The following DNAH2 variants were observed in gnomAD, a reference collection of about 807,000 sequenced individuals.
DNAH2 encodes dynein axonemal heavy chain 2.
DNAH2 carries 323 observed loss-of-function variants against 523.5 expected under a neutral mutation model. The observed-to-expected ratio is 0.62, with a 90% CI of 0.56 to 0.68. The LOEUF is 0.68. Among genes scored for constraint, DNAH2 ranks in the 30% least tolerant of loss-of-function variants. The pLI, the probability that DNAH2 is intolerant of heterozygous loss-of-function variation, is 0.00. For missense variants in DNAH2, 4,907 were observed against 5,701.5 expected, an observed-to-expected ratio of 0.86 and a Z score of 4.49; for synonymous variants, 2,093 against 2,177.4, an observed-to-expected ratio of 0.96 and a Z score of 1.08.
rs745495816 is a variant in DNAH2 at position 7,763,880 on chromosome 17, A to G, written c.3028A>G (p.Ile1010Val). The G allele has an allele frequency of 8.7e-6, 14 of 1,614,074 alleles. No homozygotes were observed. Among genetic ancestry groups the G allele is most frequent in the Non-Finnish European group, 6.8e-6 (8 of 1,180,040 alleles). ...GCAGAAGGAGGAGACAGTCACCAAC[A>G]TCCAGTTTGTGCTGCTGGACTGTTC... is the stretch of plus-strand genomic sequence containing the variant. ...NVQKEETVTN[I>V]QFVLLDCSHL... The change falls in exon 19 of 86, where the codon ATC becomes GTC. Residue 1010 changes from isoleucine to valine, a missense_variant. Ile to Val is a conservative substitution (Grantham distance 29, BLOSUM62 3). Transcript: ENST00000572933.
intron 65 of DNAH2, 44 bp downstream of exon 65, chr17:7,817,459 G>A: frequency 6.2e-7 from 1 of 1,613,558 alleles, no homozygotes; most frequent in Non-Finnish European, 8.5e-7. Flanking sequence ...CGAGACCAGG[G>A]CTGGGGGCAG....
intron 12 of DNAH2, among the ~76,000 whole-genome samples, chr17:7,749,563 C>T (rs2075628148): frequency 6.6e-6 from 1 of 152,034 alleles, no homozygotes. Context: ...ATCATTATAA[C>T]ACAACTTTTT....
In DNAH2 at chr17:7,763,981, T is replaced by C. The variant is rs771655948; in HGVS notation, c.3129T>C (p.Ala1043=). ...NKFATLLREM[A]AGRLLELHTY... ...TCGCGACTCTGCTCAGGGAGATGGC[T>C]GCTGGGCGCCTCCTGGAGCTGCACA... The change falls in exon 19 of 86, where the codon GCT becomes GCC. Residue 1043 remains alanine (A), a synonymous_variant. Coordinates refer to ENST00000572933, the MANE Select transcript of DNAH2 (RefSeq NM_020877.5). 1.9e-6 allele frequency: 3 copies of C among 1,614,232 alleles called. No homozygotes were observed. Among genetic ancestry groups the C allele is most frequent in the East Asian group, 4.5e-5 (2 of 44,884 alleles).
At position 7,807,009 on chromosome 17, in the gene DNAH2, C is replaced by A; in HGVS notation, c.9443-141C>A. Reference sequence around the variant, plus strand: ...GACAGAGTCAAGTCAGAGGGAGGAACTAGGGGCCAGGTCAGATAATTTGGC... The same window carrying A: ...GACAGAGTCAAGTCAGAGGGAGGAAATAGGGGCCAGGTCAGATAATTTGGC... On this transcript the variant is annotated intron_variant, in intron 61 of 85. Transcript: ENST00000572933. This position sits in a 1 kb window ranked among gnomAD's most constrained non-coding sequence, Gnocchi z 5.6. 1 of 971,970 alleles carries A rather than the reference C, an allele frequency of 1.0e-6. No individual in the cohort carries two copies. The highest frequency in any genetic ancestry group is 1.5e-6 in the Non-Finnish European group (1 of 652,970). 60.2% of individuals were successfully genotyped at this position (971,970 alleles called of 1,614,324 possible).
chr17:7,793,042 T>G lies in DNAH2; in HGVS notation c.7406T>G (p.Val2469Gly), dbSNP rs765592307. The G allele has an allele frequency of 6.8e-6, 11 of 1,614,138 alleles. No individual in the cohort carries two copies. In the East Asian group the frequency reaches 2.5e-4, roughly 36 times the overall value. Residue 2469 changes from valine (V) to glycine (G), a missense_variant, in exon 48 of 86, where the codon GTC (valine) becomes GGC (glycine). By Grantham distance (109) the Val-to-Gly change is moderately radical. Coordinates refer to ENST00000572933, the MANE Select transcript of DNAH2 (RefSeq NM_020877.5). ...AGGGTTGAGAAGCGAACCAAGGGTG[T>G]CTACGTGCCATTCGGGGGCAAAAGC... ...ESRVEKRTKG[V>G]YVPFGGKSMI...
Position 7,780,584 on chromosome 17 carries a change from A to G in DNAH2, c.5851-46A>G. The G allele has an allele frequency of 6.2e-7, 1 of 1,606,660 alleles. No homozygotes were observed. Among genetic ancestry groups the G allele is most frequent in the Admixed American group, 1.7e-5 (1 of 59,896 alleles). On this transcript the variant is annotated intron_variant, in intron 37 of 85. Transcript: ENST00000572933. The surrounding 1 kb of genome is among the most constrained non-coding windows in gnomAD (Gnocchi z 4.4). ...GACTGTCCTGAGATGAAGCAGAGGG[A>G]TTTGTGGGGAGATGGACTGTTTCCT...
In DNAH2 at chr17:7,737,252, C is replaced by A; in HGVS notation, c.1164C>A (p.Phe388Leu). ...YNTRERLTSL[F>L]RKVCDCQYHF... ...CTCGGGAGAGACTGACCTCGCTCTT[C>A]CGAAAGGTGTGCATATGCTGAGGGT... The change falls in exon 8 of 86, where the codon TTC becomes TTA. Residue 388 changes from phenylalanine to leucine, a missense_variant. Coordinates refer to ENST00000572933, the MANE Select transcript of DNAH2 (RefSeq NM_020877.5). 6.2e-7 allele frequency: 1 copy of A among 1,613,880 alleles called. No homozygotes were observed.
chr17:7,748,367 C>G (rs1171280770), intron 12 of DNAH2, among the ~76,000 whole-genome samples: 1 of 152,212 alleles, frequency 6.6e-6, no homozygotes, highest in African/African-American at 2.4e-5. Context: ...GCCTTTTCCC[C>G]CCGGGTCAGC....
Position 7,743,155 on chromosome 17 carries a change from C to T in DNAH2, c.1904+13C>T. On this transcript the variant is annotated intron_variant, in intron 12 of 85. Transcript: ENST00000572933. The stretch of plus-strand genomic sequence containing the variant: ...TCAACTTTGACAAGTACAGGAGCCA[C>T]CTGGCCCCTTTTCCCTATACTCCCC... 6 of 1,609,258 alleles carry T rather than the reference C, an allele frequency of 3.7e-6. No individual in the cohort carries two copies. Among genetic ancestry groups the T allele is most frequent in the Non-Finnish European group, 5.1e-6 (6 of 1,178,538 alleles).
At chr17:7,731,795 G>T (rs1412815568) in intron 4 of DNAH2, among the ~76,000 whole-genome samples, 1 of 152,112 alleles carries the variant, frequency 6.6e-6, no homozygotes, top group African/African-American at 2.4e-5. Context: ...TTGGGAGGCC[G>T]AGGCAGGCGG....
At chr17:7,732,950 A>G (rs1317779883) in intron 4 of DNAH2, 137 bp from the exon 5 acceptor site, 3 of 761,326 alleles carry the variant, frequency 3.9e-6, no homozygotes, top group Non-Finnish European at 6.4e-6. Context: ...AAGAACAGGA[A>G]GCACTTCATG....
rs773639143 is a variant in DNAH2, at chr17:7,757,131, C to A, written c.1945C>A (p.Arg649=). The change falls in exon 13 of 86, where the codon CGG becomes AGG. Residue 649 remains arginine, a synonymous_variant. Transcript: ENST00000572933. ...ILFAEIDYWE[R]LLFETPHYVV... ...CTTTGCGGAAATTGACTACTGGGAG[C>A]GGCTGCTGTTTGAGACGCCCCATTA... 4.0e-5 allele frequency: 65 copies of A among 1,614,008 alleles called. No homozygotes were observed. In the East Asian group the frequency reaches 1.4e-3, roughly 35 times the overall value.
intron 4 of DNAH2, among the ~76,000 whole-genome samples, chr17:7,732,041 A>G (rs999935028): frequency 1.3e-5 from 2 of 152,002 alleles, no homozygotes; most frequent in Admixed American, 1.3e-4. Context: ...AAAAAAAAAA[A>G]AAAAAGGACA....
At chr17:7,806,218 A>C (rs1296471459) in intron 61 of DNAH2, among the ~76,000 whole-genome samples, 1 of 152,250 alleles carries the variant, frequency 6.6e-6, no homozygotes, top group Non-Finnish European at 1.5e-5. Flanking sequence ...GCTTAATGTA[A>C]GTGCTCTGAG....
At chr17:7,795,662 T>TAC (rs1436795909) in intron 49 of DNAH2, among the ~76,000 whole-genome samples, 1 of 94,592 alleles carries the variant, frequency 1.1e-5, no homozygotes, top group Non-Finnish European at 2.5e-5. Context: ...TATATATATA[T>TAC]ATAATATTTA....
rs1398019532 is a variant in DNAH2 at position 7,832,055 on chromosome 17, T to C, written c.12726+280T>C. Among the ~76,000 whole-genome samples the C allele has an allele frequency of 6.6e-6, 1 of 152,240 alleles. No homozygotes were observed. The highest frequency in any genetic ancestry group is 2.4e-5 in the African/African-American group (1 of 41,464). ...TACCACTCAGTAGGTGCTTCATCAA[T>C]GCTACCTGGTTAATATTACTGCGGT... On this transcript the variant is annotated intron_variant, in intron 82 of 85. Coordinates refer to ENST00000572933, the MANE Select transcript of DNAH2 (RefSeq NM_020877.5). This position sits in a 1 kb window ranked among gnomAD's most constrained non-coding sequence, Gnocchi z 4.3.
At chr17:7,799,347 C>T in intron 56 of DNAH2, 105 bp downstream of exon 56, 1 of 1,444,276 alleles carries the variant, frequency 6.9e-7, no homozygotes, top group Non-Finnish European at 9.4e-7. Flanking sequence ...ACAGCAGGCT[C>T]CTCTGCCCGC....
chr17:7,765,332 C>T (rs953471095), intron 20 of DNAH2, 59 bp from the exon 21 acceptor site: 6 of 1,486,352 alleles, frequency 4.0e-6, no homozygotes, highest in Non-Finnish European at 5.5e-6. Context: ...GGTCATCCTC[C>T]ACGCATGAGA....
chr17:7,751,909 A>C, intron 12 of DNAH2, among the ~76,000 whole-genome samples: 1 of 129,670 alleles, frequency 7.7e-6, no homozygotes. Context: ...TCTTTCCAAG[A>C]ATAGTTGTGG....
Sources: gnomAD v4.1 joint callset for allele counts (sites outside exome capture counted in the v4.1 genomes callset) on GRCh38, gnomAD v4.1.1 for gene constraint, Gnocchi (gnomAD v3.1) non-coding constraint, MANE v1.5 for transcripts, NCBI Gene and HGNC (gene_info 2026-07-23, HGNC 2026-07-21) for gene names.